CD200: variants seen among roughly 807,000 people sequenced by gnomAD.
CD200 encodes CD200 molecule, also known as OX-2 membrane glycoprotein.
A neutral mutation model predicts 30.9 loss-of-function variants in CD200; 15 were observed. That is an observed-to-expected ratio of 0.49 (90% confidence interval 0.32 to 0.75). The LOEUF (loss-of-function observed/expected upper bound fraction) is 0.75, where lower values mean the gene tolerates loss of function less well. Ranked by LOEUF, CD200 falls within the 30% of genes least tolerant of loss-of-function variation. The pLI is 0.03. For synonymous variants in CD200, 134 were observed against 126.2 expected, an observed-to-expected ratio of 1.06 and a Z score of -0.41; for missense variants, 262 against 324.2, an observed-to-expected ratio of 0.81 and a Z score of 1.47.
At chr3:112,345,939 G>A (rs147271194) in intron 3 of CD200, among the ~76,000 whole-genome samples, 3 of 152,186 alleles carry the variant, frequency 2.0e-5, no homozygotes, top group Middle Eastern at 3.2e-3. Context: ...GAGATGAAAG[G>A]TTACGAAGTG....
chr3:112,333,594 A>G (rs779543940), intron 1 of CD200: 72 of 985,290 alleles, frequency 7.3e-5, no homozygotes, highest in Non-Finnish European at 8.6e-5. Flanking sequence ...CTGGGGAGGC[A>G]CAGCCTATTT....
At chr3:112,352,540 T>TGAGAGA (rs3083141) in intron 5 of CD200, among the ~76,000 whole-genome samples, 1 of 149,734 alleles carries the variant, frequency 6.7e-6, no homozygotes, top group Non-Finnish European at 1.5e-5. Context: ...GAGGTGGAAC[T>TGAGAGA]GAGAGAGAGA....
At chr3:112,357,534 G>A (rs1031291586) in intron 5 of CD200, among the ~76,000 whole-genome samples, 2 of 151,972 alleles carry the variant, frequency 1.3e-5, no homozygotes, top group Non-Finnish European at 2.9e-5. Context: ...GTCCTTTTTC[G>A]TTTTATCGAA....
intron 4 of CD200, among the ~76,000 whole-genome samples, chr3:112,349,444 T>C (rs2081486048): frequency 6.6e-6 from 1 of 152,180 alleles, no homozygotes; most frequent in Non-Finnish European, 1.5e-5. Context: ...AAAGCCTCAG[T>C]TTTCTTTAAA....
At chr3:112,334,733 C>T (rs2081074201) in intron 1 of CD200, among the ~76,000 whole-genome samples, 1 of 149,248 alleles carries the variant, frequency 6.7e-6, no homozygotes, top group South Asian at 2.1e-4. Flanking sequence ...TTCAGTTATT[C>T]TGCACAGACT....
intron 1 of CD200, 86 bp downstream of exon 1, chr3:112,333,310 G>C (rs2108411703): frequency 6.7e-7 from 1 of 1,498,902 alleles, no homozygotes; most frequent in Admixed American, 2.1e-5. Context: ...AGTGGAAGGC[G>C]CGGAGCTTCG....
At chr3:112,352,319 T>C (rs1490263542) in intron 5 of CD200, among the ~76,000 whole-genome samples, 5 of 152,168 alleles carry the variant, frequency 3.3e-5, no homozygotes, top group Non-Finnish European at 7.4e-5. Flanking sequence ...CAAATTCTGA[T>C]TGATATTTTG....
intron 5 of CD200, among the ~76,000 whole-genome samples, chr3:112,358,377 C>T (rs112914954): frequency 6.6e-6 from 1 of 152,130 alleles, no homozygotes; most frequent in African/African-American, 2.4e-5. Context: ...TGGGGACCCA[C>T]TGGGGAGACA....
chr3:112,332,923 T>C (rs1030386339), upstream of CD200: 1 of 476,052 alleles, frequency 2.1e-6, no homozygotes, highest in African/African-American at 2.1e-5. Flanking sequence ...AAAAAAAAAA[T>C]GATTTTTTTT....
chr3:112,347,663 G>A lies in CD200; in HGVS notation c.527G>A (p.Arg176Gln), dbSNP rs200462483. 1.1e-5 allele frequency: 18 copies of A among 1,613,926 alleles called. No homozygotes were observed. Among genetic ancestry groups the A allele is most frequent in the South Asian group, 6.6e-5 (6 of 91,070 alleles). ...CCCATGGTCTTCTGGAAGGTCCCTC[G>A]GTCAGGGATTGAAAATAGTACAGTG... ...PAPMVFWKVPRSGIENSTVTL... is the reference protein window; with the variant it reads ...PAPMVFWKVPQSGIENSTVTL... Residue 176 changes from arginine (R) to glutamine (Q), a missense_variant, in exon 4 of 6, where the codon CGG becomes CAG. By Grantham distance (43) the Arg-to-Gln change is conservative (BLOSUM62 1). Coordinates refer to ENST00000315711, the MANE Select transcript of CD200 (RefSeq NM_005944.7).
At chr3:112,335,702 C>T (rs2081099365) in intron 1 of CD200, 2 of 476,172 alleles carry the variant, frequency 4.2e-6, no homozygotes, top group Admixed American at 7.1e-5. Context: ...CTGAAAGATC[C>T]ATCAGGAATA....
intron 5 of CD200, 93 bp downstream of exon 5, chr3:112,349,912 T>C: frequency 7.1e-7 from 1 of 1,401,356 alleles, no homozygotes; most frequent in East Asian, 2.7e-5. Flanking sequence ...AATAAGGGAA[T>C]GGCAACAATG....
At chr3:112,333,548 AGGCTC>A in intron 1 of CD200, 1 of 985,412 alleles carries the variant, frequency 1.0e-6, no homozygotes, top group East Asian at 1.1e-4. Context: ...TCCTCCGGGC[AGGCTC>A]GGCTCGGCTC....
chr3:112,347,424 G>T, intron 3 of CD200, 134 bp from the exon 4 acceptor site: 1 of 893,452 alleles, frequency 1.1e-6, no homozygotes, highest in Non-Finnish European at 1.7e-6. Context: ...CCCAGTTTGG[G>T]TAGGATATGC....
intron 3 of CD200, among the ~76,000 whole-genome samples, chr3:112,345,727 G>T (rs1278418390): frequency 1.3e-5 from 2 of 152,222 alleles, no homozygotes; most frequent in Admixed American, 1.3e-4. Flanking sequence ...GACAGAGCCA[G>T]ATTGGACTAG....
chr3:112,336,752 G>T (rs185410580), intron 1 of CD200, among the ~76,000 whole-genome samples: 47 of 152,194 alleles, frequency 3.1e-4, no homozygotes, highest in Non-Finnish European at 1.3e-4. Flanking sequence ...AGGACATCCC[G>T]CTAAAGCAAC....
chr3:112,360,049 A>C (rs1433914417), intron 5 of CD200, among the ~76,000 whole-genome samples: 1 of 152,182 alleles, frequency 6.6e-6, no homozygotes, highest in Non-Finnish European at 1.5e-5. Context: ...AATATTTTAC[A>C]GGGTGCGGTG....
At chr3:112,333,550 G>A in intron 1 of CD200, 8 of 985,422 alleles carry the variant, frequency 8.1e-6, no homozygotes, top group Non-Finnish European at 9.6e-6. Flanking sequence ...CTCCGGGCAG[G>A]CTCGGCTCGG....
intron 5 of CD200, among the ~76,000 whole-genome samples, chr3:112,354,875 T>G (rs1483393918): frequency 6.6e-6 from 1 of 152,138 alleles, no homozygotes; most frequent in Non-Finnish European, 1.5e-5. Flanking sequence ...TTCCTTGCCT[T>G]GCATCTTCAA....
Sources: allele counts gnomAD v4.1 joint callset (sites outside exome capture counted in the v4.1 genomes callset), GRCh38; gene constraint gnomAD v4.1.1; transcripts MANE v1.5; gene names NCBI Gene and HGNC (gene_info 2026-07-23, HGNC 2026-07-21).